MAGI1: variants seen among roughly 807,000 people sequenced by gnomAD.
MAGI1 encodes the protein membrane associated guanylate kinase, WW and PDZ domain containing 1.
Under a neutral mutation model 139.9 loss-of-function variants are expected in MAGI1, and 58 were observed. That is an observed-to-expected ratio of 0.41 (90% CI 0.34 to 0.52). MAGI1 has a LOEUF of 0.52. Among genes scored for constraint, MAGI1 ranks in the 20% least tolerant of loss-of-function variants. MAGI1 has a pLI of 0.12. For missense variants in MAGI1, 1,874 were observed against 1,901.6 expected, an observed-to-expected ratio of 0.99 and a Z score of 0.27; for synonymous variants, 812 against 737.9, an observed-to-expected ratio of 1.10 and a Z score of -1.63.
chr3:65,818,072 C>G (rs60221972), intron 1 of MAGI1, among the ~76,000 whole-genome samples: 12,505 of 115,654 alleles, frequency 0.11, 784 homozygotes, highest in South Asian at 0.28. Context: ...GTGTGTGTCT[C>G]TCTCTTTGAC....
chr3:65,510,244 C>T (rs1481089654), intron 2 of MAGI1, among the ~76,000 whole-genome samples: 4 of 152,152 alleles, frequency 2.6e-5, no homozygotes, highest in Non-Finnish European at 4.4e-5. Context: ...AAACGCAGAG[C>T]GCCTCTCCTC....
rs765377048 is a variant in MAGI1 at position 65,379,586 on chromosome 3, G to A, written c.2702-32C>T. On this transcript the variant is annotated intron_variant, in intron 16 of 22. Coordinates refer to ENST00000402939, the MANE Select transcript of MAGI1 (RefSeq NM_001033057.2). ...CAGAGAGATGCACGCGTACATCACC[G>A]TGTCCTGCAGCCCCTCCATCCTGCT... is the stretch of plus-strand genomic sequence containing the variant. 8 of 1,578,474 alleles carry A rather than the reference G, an allele frequency of 5.1e-6. No homozygotes were observed. In the East Asian group the frequency reaches 6.8e-5, roughly 13 times the overall value.
intron 22 of MAGI1, chr3:65,359,605 C>G: frequency 1.0e-6 from 1 of 995,994 alleles, no homozygotes; most frequent in Non-Finnish European, 1.2e-6. Context: ...CCAATCAAGT[C>G]AGAAAAATAT....
At chr3:65,766,511 G>A (rs1422417600) in intron 1 of MAGI1, among the ~76,000 whole-genome samples, 1 of 152,162 alleles carries the variant, frequency 6.6e-6, no homozygotes, top group African/African-American at 2.4e-5. Flanking sequence ...TGATCCGCTT[G>A]CTTAGGCCTC....
chr3:65,630,921 T>C (rs2084261184), intron 1 of MAGI1, among the ~76,000 whole-genome samples: 1 of 152,234 alleles, frequency 6.6e-6, no homozygotes, highest in Non-Finnish European at 1.5e-5. Flanking sequence ...CAGGCCATGA[T>C]AAAGAGCTTG....
chr3:65,515,697 A>G (rs1158345312), intron 2 of MAGI1, among the ~76,000 whole-genome samples: 1 of 152,210 alleles, frequency 6.6e-6, no homozygotes, highest in African/African-American at 2.4e-5. Flanking sequence ...GCACCAACCC[A>G]TGGCCCAGGA....
chr3:65,450,435 G>A (rs1021224963), intron 6 of MAGI1, among the ~76,000 whole-genome samples: 3 of 152,148 alleles, frequency 2.0e-5, no homozygotes, highest in Non-Finnish European at 2.9e-5. Context: ...GCTGGTTCAC[G>A]GGTTAGAAAT....
chr3:65,637,804 G>T lies in MAGI1; in HGVS notation c.314-15716C>A, dbSNP rs75274495. ...GTATCTAAAAGACACTGCTCCATCA[G>T]TGTCTGTTCTATTGCTCTGGTTTAT... On this transcript the variant is annotated intron_variant, in intron 1 of 22. Coordinates refer to ENST00000402939, the MANE Select transcript of MAGI1 (RefSeq NM_001033057.2). Among the ~76,000 whole-genome samples the T allele has an allele frequency of 9.9e-3, 1,502 of 152,240 alleles. 26 individuals are homozygous for T. The highest frequency in any genetic ancestry group is 0.034 in the African/African-American group (1,396 of 41,524).
chr3:65,610,357 T>A (rs2082985987), intron 2 of MAGI1, among the ~76,000 whole-genome samples: 1 of 152,136 alleles, frequency 6.6e-6, no homozygotes, highest in Non-Finnish European at 1.5e-5. Context: ...ATTCCCAGAA[T>A]TAGCTAGGGT....
At chr3:65,509,298 G>C (rs892560345) in intron 2 of MAGI1, among the ~76,000 whole-genome samples, 10 of 152,202 alleles carry the variant, frequency 6.6e-5, no homozygotes, top group African/African-American at 2.2e-4. Context: ...TTTTTGGGGA[G>C]GAGCCAAGAT....
chr3:65,387,145 G>A (rs747286701), intron 14 of MAGI1: 32 of 1,612,946 alleles, frequency 2.0e-5, no homozygotes, highest in Middle Eastern at 1.6e-4. Flanking sequence ...ATCCTTACTC[G>A]GACATTCTCC....
chr3:65,790,025 ATG>A (rs1326402385), intron 1 of MAGI1, among the ~76,000 whole-genome samples: 1 of 152,220 alleles, frequency 6.6e-6, no homozygotes, highest in East Asian at 1.9e-4. Context: ...AATGTATTGC[ATG>A]TCTTTTACTT....
intron 1 of MAGI1, among the ~76,000 whole-genome samples, chr3:65,855,059 C>G (rs34824729): frequency 0.059 from 9,020 of 152,168 alleles, 468 homozygotes; most frequent in African/African-American, 0.14. Flanking sequence ...ACACCTGAAG[C>G]ATAAAAATTA....
chr3:65,593,271 G>A (rs2082045857), intron 2 of MAGI1, among the ~76,000 whole-genome samples: 1 of 152,112 alleles, frequency 6.6e-6, no homozygotes, highest in Non-Finnish European at 1.5e-5. Context: ...AGCACTTACT[G>A]TCTTATAGCC....
At chr3:65,834,350 C>T (rs183646910) in intron 1 of MAGI1, among the ~76,000 whole-genome samples, 1 of 152,250 alleles carries the variant, frequency 6.6e-6, no homozygotes, top group African/African-American at 2.4e-5. Context: ...TGTGAATGAG[C>T]TTAACATGTT....
chr3:65,734,330 C>T (rs1268849492), intron 1 of MAGI1, among the ~76,000 whole-genome samples: 1 of 151,856 alleles, frequency 6.6e-6, no homozygotes, highest in African/African-American at 2.4e-5. Context: ...TATGGTGGCA[C>T]TTGCCTGTAG....
At chr3:65,805,143 A>G (rs2201946) in intron 1 of MAGI1, among the ~76,000 whole-genome samples, 55,728 of 152,008 alleles carry the variant, frequency 0.37, 11,509 homozygotes, top group African/African-American at 0.56. Flanking sequence ...TCATCAGAGC[A>G]AACAGACAAC....
At chr3:65,950,589 C>T (rs2063788507) in intron 1 of MAGI1, among the ~76,000 whole-genome samples, 1 of 152,016 alleles carries the variant, frequency 6.6e-6, no homozygotes, top group Admixed American at 6.6e-5. Context: ...ACTAAAAATC[C>T]CTATGTAAAT....
At chr3:65,526,157 G>A (rs1195387741) in intron 2 of MAGI1, among the ~76,000 whole-genome samples, 1 of 152,118 alleles carries the variant, frequency 6.6e-6, no homozygotes, top group Admixed American at 6.5e-5. Context: ...CTCCAGTGGC[G>A]GCAGGGTGGG....
Sources: allele counts gnomAD v4.1 joint callset (sites outside exome capture counted in the v4.1 genomes callset), GRCh38; gene constraint gnomAD v4.1.1; transcripts MANE v1.5; gene names NCBI Gene and HGNC (gene_info 2026-07-23, HGNC 2026-07-21).